The following POFUT2 variants were observed in gnomAD, a reference collection of about 807,000 sequenced individuals.
POFUT2 encodes the protein GDP-fucose protein O-fucosyltransferase 2.
POFUT2 carries 30 observed loss-of-function variants against 55.0 expected under a neutral mutation model. That is an observed-to-expected ratio of 0.55 (90% CI 0.41 to 0.74). The LOEUF is 0.74. POFUT2 is among the 30% of genes least tolerant of loss of function. The pLI is 0.00. For synonymous variants in POFUT2, 267 were observed against 231.1 expected (o/e 1.16, Z -1.41); for missense variants, 524 against 562.6 (o/e 0.93, Z 0.69).
intron 1 of POFUT2, among the ~76,000 whole-genome samples, chr21:45,286,574 A>G (rs773409391): frequency 5.3e-5 from 8 of 152,244 alleles, no homozygotes; most frequent in Non-Finnish European, 7.3e-5. Context: ...AAAGGCGTAT[A>G]ATACTCTGGT....
Position 45,282,693 on chromosome 21 carries a change from G to A in POFUT2, c.528-234C>T, listed in dbSNP as rs1279902609. On this transcript the variant is annotated intron_variant, in intron 3 of 8. Transcript: ENST00000349485. The surrounding 1 kb of genome is among the most constrained non-coding windows in gnomAD (Gnocchi z 4.6). ...GGCTTTCCCCATGATAGGGGCTGGC[G>A]GGATGGCCGGGGAGGCAGAGGGAGC... The A allele has an allele frequency of 1.3e-5, 7 of 558,456 alleles. No homozygotes were observed. The highest frequency in any genetic ancestry group is 2.0e-5 in the Non-Finnish European group (6 of 301,210). The allele number at this position is 558,456 out of a possible 1,614,324, so 34.6% of individuals were successfully genotyped here.
At chr21:45,276,338 A>G (rs2093263765) in intron 6 of POFUT2, among the ~76,000 whole-genome samples, 1 of 152,174 alleles carries the variant, frequency 6.6e-6, no homozygotes, top group South Asian at 2.1e-4. Flanking sequence ...CAAGTAACTT[A>G]ATTATTGCTG....
chr21:45,278,820 G>C (rs1042388929), intron 4 of POFUT2, among the ~76,000 whole-genome samples: 1 of 152,196 alleles, frequency 6.6e-6, no homozygotes, highest in Non-Finnish European at 1.5e-5. Flanking sequence ...CTTTATCTCA[G>C]ACTCGCAGGC....
In POFUT2 at chr21:45,269,791, A is replaced by G. The variant is rs765608782; in HGVS notation, c.1012+48T>C. On this transcript the variant is annotated intron_variant, in intron 7 of 8. Coordinates refer to ENST00000349485, the MANE Select transcript of POFUT2 (RefSeq NM_133635.6). ...AACACCCAAGAATTATCAATAAAAA[A>G]AATAAATTAAAAGAAAGGAAAGAAA... 7 of 1,546,136 alleles carry G rather than the reference A, an allele frequency of 4.5e-6. No individual in the cohort carries two copies. In the South Asian group the frequency reaches 8.4e-5, roughly 19 times the overall value.
In POFUT2 at chr21:45,285,655, C is replaced by T. The variant is rs1403815388; in HGVS notation, c.382+23G>A. On this transcript the variant is annotated intron_variant, in intron 2 of 8. Coordinates refer to ENST00000349485, the MANE Select transcript of POFUT2 (RefSeq NM_133635.6). The surrounding 1 kb of genome is among the most constrained non-coding windows in gnomAD (Gnocchi z 4.9). The stretch of plus-strand genomic sequence containing the variant: ...GGCCCCAGTTAAGCAACCACGGCCT[C>T]CCAGCGTGCCGCTCGGCCTCACCTG... The T allele has an allele frequency of 6.8e-6, 11 of 1,613,140 alleles. No homozygotes were observed. Among genetic ancestry groups the T allele is most frequent in the South Asian group, 6.6e-5 (6 of 90,920 alleles).
chr21:45,285,622 G>T lies in POFUT2; in HGVS notation c.382+56C>A. On this transcript the variant is annotated intron_variant, in intron 2 of 8. Transcript: ENST00000349485. This position sits in a 1 kb window ranked among gnomAD's most constrained non-coding sequence, Gnocchi z 4.9. ...CCAACCTGATGTCTACCTTAGAAAT[G>T]ACTGCCTGGCCCCAGTTAAGCAACC... The T allele has an allele frequency of 6.2e-7, 1 of 1,609,038 alleles. No individual in the cohort carries two copies. Among genetic ancestry groups the T allele is most frequent in the African/African-American group, 1.3e-5 (1 of 75,020 alleles).
intron 3 of POFUT2, among the ~76,000 whole-genome samples, chr21:45,283,145 C>T (rs2030901602): frequency 6.6e-6 from 1 of 150,660 alleles, no homozygotes; most frequent in East Asian, 1.9e-4. Flanking sequence ...GCCCAGAACC[C>T]TGCATCAGCA....
intron 6 of POFUT2, 151 bp downstream of exon 6, chr21:45,276,866 A>C: frequency 1.2e-6 from 1 of 824,332 alleles, no homozygotes. Context: ...AGAGCAGGTC[A>C]TTACTGTGAC....
chr21:45,279,119 C>T (rs75647245), intron 4 of POFUT2, among the ~76,000 whole-genome samples: 1 of 152,224 alleles, frequency 6.6e-6, no homozygotes, highest in South Asian at 2.1e-4. Context: ...TGGCCAGGCG[C>T]AGTGGCTCAC....
At chr21:45,280,564 G>A (rs2030500243) in intron 4 of POFUT2, among the ~76,000 whole-genome samples, 1 of 152,206 alleles carries the variant, frequency 6.6e-6, no homozygotes, top group Non-Finnish European at 1.5e-5. Context: ...CCCGACAGCG[G>A]TTGGTTTCCC....
Position 45,282,143 on chromosome 21 carries a change from C to T in POFUT2, c.638+206G>A, listed in dbSNP as rs574489375. Reference sequence around the variant, plus strand: ...CTCTGTGCCCCTCACCCGCTGTCCACGTCACCCACTGCACCCACTGGGCTG... The same window carrying T: ...CTCTGTGCCCCTCACCCGCTGTCCATGTCACCCACTGCACCCACTGGGCTG... On this transcript the variant is annotated intron_variant, in intron 4 of 8. Transcript: ENST00000349485. This position sits in a 1 kb window ranked among gnomAD's most constrained non-coding sequence, Gnocchi z 4.6. Among the ~76,000 whole-genome samples, 2 of 152,294 alleles carry T rather than the reference C, an allele frequency of 1.3e-5. No individual in the cohort carries two copies. Among genetic ancestry groups the T allele is most frequent in the South Asian group, 4.1e-4 (2 of 4,832 alleles).
intron 4 of POFUT2, among the ~76,000 whole-genome samples, chr21:45,280,340 G>A (rs779296200): frequency 1.3e-4 from 19 of 151,978 alleles, no homozygotes; most frequent in Non-Finnish European, 1.9e-4. Context: ...TGTTGAACAC[G>A]GCAGCAGGTT....
chr21:45,279,572 G>A (rs187745127), intron 4 of POFUT2, among the ~76,000 whole-genome samples: 7 of 152,166 alleles, frequency 4.6e-5, no homozygotes, highest in Non-Finnish European at 7.4e-5. Context: ...TTTTGCTACT[G>A]GATCCACACA....
At position 45,284,228 on chromosome 21, in the gene POFUT2, G is replaced by A. The variant is rs914274127; in HGVS notation, c.383-701C>T. On this transcript the variant is annotated intron_variant, in intron 2 of 8. Coordinates refer to ENST00000349485, the MANE Select transcript of POFUT2 (RefSeq NM_133635.6). This position sits in a 1 kb window ranked among gnomAD's most constrained non-coding sequence, Gnocchi z 5.8. ...CGGGAGGGAGCATCGCGCAGGTGAAGTTCTGGGGCAGGAACAAAGCGGGAG... is the reference window on the plus strand; with the variant it reads ...CGGGAGGGAGCATCGCGCAGGTGAAATTCTGGGGCAGGAACAAAGCGGGAG... 6.6e-5 allele frequency among the ~76,000 whole-genome samples: 10 copies of A among 151,616 alleles called. No individual in the cohort carries two copies. The highest frequency in any genetic ancestry group is 8.8e-5 in the Non-Finnish European group (6 of 67,886).
chr21:45,283,935 G>A (rs778432535), intron 2 of POFUT2, among the ~76,000 whole-genome samples: 6 of 152,020 alleles, frequency 3.9e-5, no homozygotes, highest in Admixed American at 6.5e-5. Flanking sequence ...TTCCCACAGC[G>A]CTCCTCACCC....
chr21:45,284,980 AATG>A lies in POFUT2; in HGVS notation c.382+695_382+697del, dbSNP rs2031208288. On this transcript the variant is annotated intron_variant, in intron 2 of 8. Transcript: ENST00000349485. This position sits in a 1 kb window ranked among gnomAD's most constrained non-coding sequence, Gnocchi z 5.8. ...TGCAACGAGAACCACATCCTTGAAA[AATG>A]ATGACACGGGAGCCACACTCCTTGG... Among the ~76,000 whole-genome samples, 1 of 152,144 alleles carries A rather than the reference AATG, an allele frequency of 6.6e-6. No homozygotes were observed. The highest frequency in any genetic ancestry group is 6.5e-5 in the Admixed American group (1 of 15,280).
intron 2 of POFUT2, 116 bp from the exon 3 acceptor site, chr21:45,283,643 G>A (rs1054864664): frequency 2.5e-5 from 26 of 1,058,806 alleles, no homozygotes; most frequent in South Asian, 1.4e-4. Context: ...ATTCCCAAAG[G>A]GAGTGTAGGA....
Position 45,282,103 on chromosome 21 carries a change from G to A in POFUT2, c.638+246C>T, listed in dbSNP as rs1006607655. Among the ~76,000 whole-genome samples, 38 of 151,848 alleles carry A rather than the reference G, an allele frequency of 2.5e-4. No individual in the cohort carries two copies. Among genetic ancestry groups the A allele is most frequent in the African/African-American group, 7.7e-4 (32 of 41,410 alleles). Reference sequence around the variant, plus strand: ...TCAGCCCCTCCCTGTGCACCTGGCCGGGCCGAGCCCTCACCTCTGTGCCCC... The same window carrying A: ...TCAGCCCCTCCCTGTGCACCTGGCCAGGCCGAGCCCTCACCTCTGTGCCCC... On this transcript the variant is annotated intron_variant, in intron 4 of 8. Transcript: ENST00000349485. The surrounding 1 kb of genome is among the most constrained non-coding windows in gnomAD (Gnocchi z 4.6).
intron 8 of POFUT2, chr21:45,266,370 C>CAGTG: frequency 3.9e-6 from 5 of 1,280,814 alleles, no homozygotes; most frequent in Non-Finnish European, 4.1e-6. Context: ...CCCTCACCAC[C>CAGTG]CCACACACAG....
Sources: allele counts gnomAD v4.1 joint callset (sites outside exome capture counted in the v4.1 genomes callset), GRCh38; gene constraint gnomAD v4.1.1; non-coding constraint Gnocchi (gnomAD v3.1); transcripts MANE v1.5; gene names NCBI Gene and HGNC (gene_info 2026-07-23, HGNC 2026-07-21).